Variants in FRRS1 observed in about 807,000 individuals in gnomAD.
FRRS1 encodes the protein ferric reductase 1.
FRRS1 carries 51 observed loss-of-function variants against 70.7 expected under a neutral mutation model. The ratio of observed to expected loss-of-function variants is 0.72; its 90% CI spans 0.58 to 0.91. FRRS1 has a LOEUF of 0.91. Among genes scored for constraint, FRRS1 ranks in the 40% least tolerant of loss-of-function variants. The pLI is 0.00. For synonymous variants in FRRS1, 225 were observed against 238.7 expected (o/e 0.94, Z 0.53); for missense variants, 672 against 726.0 (o/e 0.93, Z 0.86).
Position 99,704,417 on chromosome 1 carries a change from G to C in FRRS1, c.*4611C>G, listed in dbSNP as rs1034241186. On this transcript the variant is annotated 3_prime_UTR_variant, in exon 17 of 17. Transcript: ENST00000646001. Reference sequence around the variant, plus strand: ...TAAACTAGCTTTTGTAAGTGATAACGGGAGGGAAGTGCTGGGAAGGGCGTG... The same window carrying C: ...TAAACTAGCTTTTGTAAGTGATAACCGGAGGGAAGTGCTGGGAAGGGCGTG... 2.6e-5 allele frequency among the ~76,000 whole-genome samples: 4 copies of C among 152,168 alleles called. No individual in the cohort carries two copies. The highest frequency in any genetic ancestry group is 1.9e-4 in the East Asian group (1 of 5,182).
intron 4 of FRRS1, among the ~76,000 whole-genome samples, chr1:99,746,989 A>G (rs1162657059): frequency 1.3e-5 from 2 of 152,322 alleles, no homozygotes; most frequent in East Asian, 3.9e-4. Context: ...GGCAATGAGA[A>G]TAAAGACCTT....
intron 9 of FRRS1, among the ~76,000 whole-genome samples, chr1:99,725,891 T>C (rs1655059928): frequency 6.6e-6 from 1 of 152,236 alleles, no homozygotes; most frequent in Non-Finnish European, 1.5e-5. Context: ...AAGTATAATT[T>C]TAAGTATAAA....
Position 99,714,185 on chromosome 1 carries a change from CT to C in FRRS1, c.1323+1400del, listed in dbSNP as rs921323480. ...TACAAGAATGGCATGGTCTGGTTTA[CT>C]TTTTTTTTTTTTTTTGAGGTGGAGT... is the stretch of plus-strand genomic sequence containing the variant. On this transcript the variant is annotated intron_variant, in intron 12 of 16. Coordinates refer to ENST00000646001, the MANE Select transcript of FRRS1 (RefSeq NM_001361041.2). Among the ~76,000 whole-genome samples the C allele has an allele frequency of 5.1e-3, 711 of 140,536 alleles. 2 individuals carry two copies. Among genetic ancestry groups the C allele is most frequent in the South Asian group, 0.016 (71 of 4,380 alleles). 92.2% of individuals were successfully genotyped at this position (140,536 alleles called of 152,430 possible).
At chr1:99,732,662 G>A (rs375852309) in intron 7 of FRRS1, among the ~76,000 whole-genome samples, 3 of 152,004 alleles carry the variant, frequency 2.0e-5, no homozygotes, top group African/African-American at 7.2e-5. Context: ...TTAAGAAACA[G>A]GTAGTTTTGC....
At chr1:99,735,550 T>C (rs1655609992) in intron 7 of FRRS1, among the ~76,000 whole-genome samples, 1 of 152,196 alleles carries the variant, frequency 6.6e-6, no homozygotes, top group Admixed American at 6.5e-5. Flanking sequence ...AAATAACCAC[T>C]TAAAAATATA....
chr1:99,709,344 C>T, intron 15 of FRRS1, 85 bp from the exon 16 acceptor site: 1 of 886,140 alleles, frequency 1.1e-6, no homozygotes, highest in Non-Finnish European at 1.8e-6. Flanking sequence ...TTGTACTGTT[C>T]ACCCCAATTT....
intron 7 of FRRS1, among the ~76,000 whole-genome samples, chr1:99,731,222 C>A (rs1655366386): frequency 6.6e-6 from 1 of 152,224 alleles, no homozygotes; most frequent in African/African-American, 2.4e-5. Flanking sequence ...TGGTCTTTCA[C>A]TTGGTTTCTC....
At chr1:99,751,946 G>T (rs546432294) in intron 1 of FRRS1, among the ~76,000 whole-genome samples, 1 of 152,054 alleles carries the variant, frequency 6.6e-6, no homozygotes, top group African/African-American at 2.4e-5. Flanking sequence ...GCTTACTTTC[G>T]TATGCTTCTA....
chr1:99,762,855 A>T (rs1657175912), intron 1 of FRRS1, among the ~76,000 whole-genome samples: 2 of 151,866 alleles, frequency 1.3e-5, no homozygotes, highest in Admixed American at 6.6e-5. Context: ...CACTCTACCT[A>T]TCCCTCTTGC....
chr1:99,765,114 G>A (rs1657291176), intron 1 of FRRS1, among the ~76,000 whole-genome samples: 1 of 152,120 alleles, frequency 6.6e-6, no homozygotes, highest in African/African-American at 2.4e-5. Flanking sequence ...AAGCTGACAG[G>A]TGTGAAACAG....
chr1:99,717,230 T>C (rs892107176), intron 11 of FRRS1, among the ~76,000 whole-genome samples, 180 bp downstream of exon 11: 3 of 152,146 alleles, frequency 2.0e-5, no homozygotes, highest in African/African-American at 7.2e-5. Flanking sequence ...TGTATTCTTA[T>C]CTCTATCAAG....
rs767969928 is a variant in FRRS1 at position 99,738,257 on chromosome 1, T to C, written c.588A>G (p.Ser196=). The change falls in exon 7 of 17, where the codon TCA becomes TCG. Residue 196 remains serine, a synonymous_variant. Transcript: ENST00000646001. ...VSHLTKPFSA[S]DCGNKKFCIR... is the part of the protein sequence containing the mutation. ...TACAGAACTTCTTGTTCCCACAATC[T>C]GAGGCACTGAACTAGAAAAATGACA... 6.3e-7 allele frequency: 1 copy of C among 1,598,050 alleles called. No individual in the cohort carries two copies. The highest frequency in any genetic ancestry group is 8.5e-7 in the Non-Finnish European group (1 of 1,173,664).
rs148375757 is a variant in FRRS1 at position 99,712,139 on chromosome 1, A to G, written c.1446T>C (p.His482=). 40 of 1,610,836 alleles carry G rather than the reference A, an allele frequency of 2.5e-5. No individual in the cohort carries two copies. The Admixed American group carries it at 2.8e-4, about 11-fold the overall frequency. The change falls in exon 14 of 17, where the codon CAT becomes CAC. Residue 482 remains histidine, a synonymous_variant. Coordinates refer to ENST00000646001, the MANE Select transcript of FRRS1 (RefSeq NM_001361041.2). ...DPRRQMFNWT[H]WSMGTAARII... Reference sequence around the variant, plus strand: ...TTCTAGCAGCTGTTCCCATACTCCAATGAGTCCAGTTAAACATTTGCCTTC... The same window carrying G: ...TTCTAGCAGCTGTTCCCATACTCCAGTGAGTCCAGTTAAACATTTGCCTTC...
intron 11 of FRRS1, among the ~76,000 whole-genome samples, chr1:99,716,318 A>T (rs1479482533): frequency 6.6e-6 from 1 of 152,228 alleles, no homozygotes; most frequent in Non-Finnish European, 1.5e-5. Context: ...AGATAGAGAC[A>T]GAGATAAAAC....
intron 4 of FRRS1, among the ~76,000 whole-genome samples, chr1:99,742,764 T>A (rs1169599368): frequency 6.6e-6 from 1 of 152,196 alleles, no homozygotes; most frequent in East Asian, 1.9e-4. Context: ...GTTCACCTCC[T>A]CCAAGAAGCT....
intron 7 of FRRS1, among the ~76,000 whole-genome samples, chr1:99,734,142 TC>T (rs1447879824): frequency 4.6e-5 from 7 of 152,112 alleles, no homozygotes; most frequent in African/African-American, 1.4e-4. Context: ...GTAAAGGAGA[TC>T]CAAGAGATGT....
chr1:99,754,509 G>GAGAA (rs1553174866), intron 1 of FRRS1, among the ~76,000 whole-genome samples: 33 of 57,768 alleles, frequency 5.7e-4, no homozygotes, highest in African/African-American at 2.9e-3. Context: ...GAGAGAGAAA[G>GAGAA]AGAGAGAGAG....
chr1:99,742,148 C>T (rs2100969441), intron 5 of FRRS1, 31 bp downstream of exon 5: 2 of 1,394,406 alleles, frequency 1.4e-6, no homozygotes, highest in Non-Finnish European at 2.0e-6. Context: ...GCCACCATGC[C>T]TGGCCCAGAA....
intron 11 of FRRS1, among the ~76,000 whole-genome samples, chr1:99,716,950 G>A (rs1183187883): frequency 6.6e-6 from 1 of 152,266 alleles, no homozygotes; most frequent in African/African-American, 2.4e-5. Context: ...CCCAATTGAT[G>A]AGTTAATCTA....
Sources: gnomAD v4.1 joint callset for allele counts (sites outside exome capture counted in the v4.1 genomes callset) on GRCh38, gnomAD v4.1.1 for gene constraint, MANE v1.5 for transcripts, NCBI Gene and HGNC (gene_info 2026-07-23, HGNC 2026-07-21) for gene names.